NAB2: variants seen among roughly 807,000 people sequenced by gnomAD.
NAB2 encodes NGFI-A-binding protein 2.
Under a neutral mutation model 44.2 loss-of-function variants are expected in NAB2, and 9 were observed. The observed-to-expected ratio is 0.20, with a 90% confidence interval of 0.12 to 0.36. The LOEUF is 0.36. Ranked by LOEUF, NAB2 falls within the 10% of genes least tolerant of loss-of-function variation. The probability of loss-of-function intolerance (pLI) is 1.00; values close to 1 mark genes in which losing one functional copy is unlikely to be tolerated. For missense variants in NAB2, 514 were observed against 709.0 expected (o/e 0.73, Z 3.12); for synonymous variants, 342 against 291.0 (o/e 1.18, Z -1.78).
Position 57,094,792 on chromosome 12 carries a change from C to A in NAB2, c.*71C>A, listed in dbSNP as rs1423001952. The A allele has an allele frequency of 1.2e-5, 16 of 1,283,840 alleles. No homozygotes were observed. The highest frequency in any genetic ancestry group is 2.1e-5 in the Admixed American group (1 of 46,786). The allele number at this position is 1,283,840 out of a possible 1,614,324, so 79.5% of individuals were successfully genotyped here. ...CACACAGACCCCCACGCTCTCCATC[C>A]CCGGAATCTAGTCACAACCCTGGAT... is the stretch of plus-strand genomic sequence containing the variant. On this transcript the variant is annotated 3_prime_UTR_variant, in exon 7 of 7. Transcript: ENST00000300131.
chr12:57,094,031 A>C (rs324017), intron 6 of NAB2, among the ~76,000 whole-genome samples: 109,249 of 151,036 alleles, frequency 0.72, 39,844 homozygotes, highest in African/African-American at 0.8. Flanking sequence ...GGGAGTGGGC[A>C]GGCGGAGGGC....
Position 57,093,459 on chromosome 12 carries a change from A to T in NAB2, c.1329A>T (p.Ala443=). ...CGCCCCCTGCTGACCTGCCTCTGGC[A>T]TTGCCAGCCCATGGGCTATGGAGCC... ...LTPPPADLPL[A]LPAHGLWSRH... The change falls in exon 6 of 7, where the codon GCA becomes GCT. Residue 443 remains alanine, a synonymous_variant. Coordinates refer to ENST00000300131, the MANE Select transcript of NAB2 (RefSeq NM_005967.4). 1 of 1,601,294 alleles carries T rather than the reference A, an allele frequency of 6.2e-7. No homozygotes were observed.
rs2033248539 is a variant in NAB2 at position 57,093,599 on chromosome 12, G to T, written c.1468+1G>T. ...GTGCCTGCGAAGCCACCTCTCGCAG[G>T]TGAGGCAGCCAGCAGTGCTGTCCCC... is the stretch of plus-strand genomic sequence containing the variant. On this transcript the variant is annotated splice_donor_variant, in intron 6 of 6. Coordinates refer to ENST00000300131, the MANE Select transcript of NAB2 (RefSeq NM_005967.4). LOFTEE classifies it high-confidence loss of function. The T allele has an allele frequency of 6.6e-7, 1 of 1,505,332 alleles. No individual in the cohort carries two copies. The allele number at this position is 1,505,332 out of a possible 1,614,324, so 93.2% of individuals were successfully genotyped here.
At chr12:57,094,408 G>A (rs921656423) in intron 6 of NAB2, among the ~76,000 whole-genome samples, 2 of 151,870 alleles carry the variant, frequency 1.3e-5, no homozygotes, top group African/African-American at 4.8e-5. Flanking sequence ...CAGAGACAGA[G>A]CTACGCACAG....
intron 1 of NAB2, 117 bp downstream of exon 1, chr12:57,089,471 G>T: frequency 2.7e-6 from 2 of 740,328 alleles, no homozygotes; most frequent in South Asian, 1.8e-5. Flanking sequence ...GGGGTGGGGG[G>T]TGGAGACTGA....
At chr12:57,092,165 C>T (rs1315124593) in intron 2 of NAB2, 167 bp downstream of exon 2, 1 of 1,237,746 alleles carries the variant, frequency 8.1e-7, no homozygotes, top group Non-Finnish European at 1.1e-6. Flanking sequence ...GCAGTGCTTC[C>T]ATCCTCAGCT....
intron 2 of NAB2, 55 bp from the exon 3 acceptor site, chr12:57,092,393 G>A: frequency 6.3e-7 from 1 of 1,599,428 alleles, no homozygotes; most frequent in Non-Finnish European, 8.5e-7. Flanking sequence ...AGGAGGTCTG[G>A]TGAGGCAGCG....
At chr12:57,094,302 G>A (rs1262775723) in intron 6 of NAB2, among the ~76,000 whole-genome samples, 1 of 149,754 alleles carries the variant, frequency 6.7e-6, no homozygotes, top group African/African-American at 2.5e-5. Flanking sequence ...GAAGGGGGGA[G>A]GGGAGAGGTC....
At chr12:57,093,031 G>T in intron 4 of NAB2, 32 bp from the exon 5 acceptor site, 1 of 1,614,002 alleles carries the variant, frequency 6.2e-7, no homozygotes, top group Non-Finnish European at 8.5e-7. Context: ...TCCCTTGGCA[G>T]GTCTTCATTT....
chr12:57,092,348 G>A, intron 2 of NAB2, 100 bp from the exon 3 acceptor site: 1 of 1,492,620 alleles, frequency 6.7e-7, no homozygotes, highest in Non-Finnish European at 9.1e-7. Context: ...GCGTCTGATG[G>A]ATGGGCCTCA....
intron 5 of NAB2, 35 bp downstream of exon 5, chr12:57,093,230 AG>A: frequency 1.7e-6 from 1 of 595,506 alleles, no homozygotes; most frequent in East Asian, 5.1e-5. Context: ...CTCTTCATTG[AG>A]GGTGGGGGAG....
chr12:57,094,390 G>GAGAC (rs1318542004), intron 6 of NAB2, among the ~76,000 whole-genome samples: 1 of 151,884 alleles, frequency 6.6e-6, no homozygotes, highest in Non-Finnish European at 1.5e-5. Context: ...GAAAGAGAGA[G>GAGAC]AGACAGACAG....
chr12:57,092,406 GA>G, intron 2 of NAB2, 41 bp from the exon 3 acceptor site: 1 of 1,607,262 alleles, frequency 6.2e-7, no homozygotes, highest in Non-Finnish European at 8.5e-7. Flanking sequence ...AGGCAGCGGG[GA>G]AGTTCGAATT....
In NAB2 at chr12:57,091,935, C is replaced by T. The variant is rs764563199; in HGVS notation, c.894C>T (p.Tyr298=). 34 of 1,614,006 alleles carry T rather than the reference C, an allele frequency of 2.1e-5. No individual in the cohort carries two copies. Among genetic ancestry groups the T allele is most frequent in the Middle Eastern group, 3.3e-4 (2 of 6,084 alleles). The change falls in exon 2 of 7, where the codon TAC becomes TAT. Residue 298 remains tyrosine, a synonymous_variant. Coordinates refer to ENST00000300131, the MANE Select transcript of NAB2 (RefSeq NM_005967.4). The surrounding 1 kb of genome is among the most constrained non-coding windows in gnomAD (Gnocchi z 7.3). ...DSQKEEEIRK[Y]SIIYGRFDSK... is the part of the protein sequence containing the mutation. ...AGAAGGAAGAGGAGATCCGCAAATA[C>T]AGCATCATCTATGGCCGTTTCGACT...
chr12:57,092,324 C>G (rs2033208910), intron 2 of NAB2, 124 bp from the exon 3 acceptor site: 1 of 1,416,998 alleles, frequency 7.1e-7, no homozygotes, highest in African/African-American at 1.4e-5. Context: ...CATGTAGTGT[C>G]AAAACCAAAG....
chr12:57,089,725 C>G (rs1023356008), intron 1 of NAB2, among the ~76,000 whole-genome samples: 31 of 151,504 alleles, frequency 2.0e-4, no homozygotes, highest in Non-Finnish European at 4.1e-4. Context: ...CTCGTTGGCA[C>G]GGAGCGCGCG....
intron 2 of NAB2, 22 bp from the exon 3 acceptor site, chr12:57,092,426 C>T (rs766876703): frequency 9.9e-6 from 16 of 1,611,936 alleles, no homozygotes; most frequent in African/African-American, 5.3e-5. Flanking sequence ...TTCTGACTCT[C>T]CTGGCTGCCC....
chr12:57,091,730 C>G lies in NAB2; in HGVS notation c.689C>G (p.Thr230Ser), dbSNP rs141760771. The G allele has an allele frequency of 6.2e-5, 100 of 1,613,878 alleles. No individual in the cohort carries two copies. The highest frequency in any genetic ancestry group is 8.5e-5 in the Non-Finnish European group (100 of 1,179,900). The change falls in exon 2 of 7, where the codon ACT (threonine) becomes AGT (serine). Residue 230 changes from threonine (T) to serine (S), a missense_variant. Physicochemically the swap from Thr to Ser is moderately conservative, Grantham distance 58. Transcript: ENST00000300131. This position sits in a 1 kb window ranked among gnomAD's most constrained non-coding sequence, Gnocchi z 7.3. Reference sequence around the variant, plus strand: ...GCTGGGGGGCTGGCAGCAGGTGGGACTGGGGGTGGTCCAGACCGACTGGAG... The same window carrying G: ...GCTGGGGGGCTGGCAGCAGGTGGGAGTGGGGGTGGTCCAGACCGACTGGAG... ...TGAGGLAAGG[T>S]GGGPDRLEPE...
rs1346985062 is a variant in NAB2, at chr12:57,091,486, G to C, written c.445G>C (p.Gly149Arg). 3.7e-6 allele frequency: 6 copies of C among 1,614,044 alleles called. No homozygotes were observed. The highest frequency in any genetic ancestry group is 1.7e-5 in the Admixed American group (1 of 60,010). Residue 149 changes from glycine to arginine, a missense_variant, in exon 2 of 7, where the codon GGG becomes CGG. Physicochemically the swap from Gly to Arg is moderately radical, Grantham distance 125. This residue lies in a region of NAB2 where 177 missense variants were observed against 200.5 expected (regional missense o/e 0.88). Transcript: ENST00000300131. This position sits in a 1 kb window ranked among gnomAD's most constrained non-coding sequence, Gnocchi z 7.3. ...CATGAGCAATGGGCATGGCAGCCCAGGGGAAAAGGCAGGCAGTGCCCGCAG... is the reference window on the plus strand; with the variant it reads ...CATGAGCAATGGGCATGGCAGCCCACGGGAAAAGGCAGGCAGTGCCCGCAG... ...GSMSNGHGSP[G>R]EKAGSARSFS...
Sources: gnomAD v4.1 joint callset for allele counts (sites outside exome capture counted in the v4.1 genomes callset) on GRCh38, gnomAD v4.1.1 for gene constraint, gnomAD v4.1.1 regional missense constraint, Gnocchi (gnomAD v3.1) non-coding constraint, MANE v1.5 for transcripts, NCBI Gene and HGNC (gene_info 2026-07-23, HGNC 2026-07-21) for gene names.